The following NFIA variants were observed in gnomAD, a reference collection of about 807,000 sequenced individuals.
NFIA encodes the protein nuclear factor I A, also known as nuclear factor 1 A-type.
Under a neutral mutation model 62.8 loss-of-function variants are expected in NFIA, and 8 were observed. The ratio of observed to expected loss-of-function variants is 0.13; its 90% CI spans 0.07 to 0.23. The LOEUF (loss-of-function observed/expected upper bound fraction) is 0.23, where lower values mean the gene tolerates loss of function less well. Among genes scored for constraint, NFIA ranks in the 10% least tolerant of loss-of-function variants. NFIA has a pLI of 1.00. For missense variants in NFIA, 410 were observed against 642.1 expected (o/e 0.64, Z 3.91); for synonymous variants, 235 against 238.1 (o/e 0.99, Z 0.12).
chr1:61,197,498 A>G (rs565071705), intron 2 of NFIA, among the ~76,000 whole-genome samples: 134 of 151,106 alleles, frequency 8.9e-4, no homozygotes, highest in African/African-American at 3.2e-3. Flanking sequence ...CTGCCTCCCA[A>G]AGTGCTGGGA....
chr1:61,159,763 C>A (rs1488480591), intron 2 of NFIA, among the ~76,000 whole-genome samples: 1 of 148,848 alleles, frequency 6.7e-6, no homozygotes, highest in Non-Finnish European at 1.5e-5. Flanking sequence ...CTCATTGCAA[C>A]CTCTGCCTCC....
chr1:61,372,434 G>C (rs1223514249), intron 6 of NFIA, among the ~76,000 whole-genome samples: 1 of 152,038 alleles, frequency 6.6e-6, no homozygotes, highest in African/African-American at 2.4e-5. Context: ...AAGAATGACA[G>C]TGAGCAGAAA....
intron 2 of NFIA, among the ~76,000 whole-genome samples, chr1:61,129,450 CTTTTTTTT>C (rs58108909): frequency 1.0e-5 from 1 of 99,186 alleles, no homozygotes; most frequent in Non-Finnish European, 2.1e-5. Flanking sequence ...TTTCTTTATT[CTTTTTTTT>C]TTTTTTTTTG....
chr1:61,281,204 A>C (rs1658107853), intron 3 of NFIA, among the ~76,000 whole-genome samples: 1 of 151,676 alleles, frequency 6.6e-6, no homozygotes, highest in South Asian at 2.1e-4. Flanking sequence ...GCACCACTTC[A>C]TCCAGCCTGG....
intron 2 of NFIA, among the ~76,000 whole-genome samples, chr1:61,276,000 G>A (rs1057218408): frequency 2.0e-5 from 3 of 151,714 alleles, no homozygotes; most frequent in Non-Finnish European, 4.4e-5. Context: ...TTTCTTTAAA[G>A]GTTTTTGGCA....
intron 3 of NFIA, among the ~76,000 whole-genome samples, chr1:61,296,411 A>G (rs1659191400): frequency 6.6e-6 from 1 of 152,186 alleles, no homozygotes; most frequent in Admixed American, 6.5e-5. Context: ...TTTGGAGACA[A>G]TCAGCTCAGA....
At chr1:61,286,727 G>A (rs575530137) in intron 3 of NFIA, among the ~76,000 whole-genome samples, 1 of 152,210 alleles carries the variant, frequency 6.6e-6, no homozygotes, top group Admixed American at 6.5e-5. Context: ...CATGCCAAGT[G>A]GCATCAAACA....
intron 6 of NFIA, among the ~76,000 whole-genome samples, chr1:61,362,046 G>A (rs1663326561): frequency 6.6e-6 from 1 of 152,094 alleles, no homozygotes; most frequent in South Asian, 2.1e-4. Context: ...CTCAACTGAA[G>A]GATGTTGCAC....
At position 61,094,021 on chromosome 1, in the gene NFIA, A is replaced by G. The variant is rs114317498; in HGVS notation, c.559+5341A>G. On this transcript the variant is annotated intron_variant, in intron 2 of 10. Coordinates refer to ENST00000403491, the MANE Select transcript of NFIA (RefSeq NM_001134673.4). Reference sequence around the variant, plus strand: ...TTTTAAATCTTGCACAGAAGCAGCAACAATTCTAATTGCTCACAAATGTCA... The same window carrying G: ...TTTTAAATCTTGCACAGAAGCAGCAGCAATTCTAATTGCTCACAAATGTCA... 6.3e-3 allele frequency among the ~76,000 whole-genome samples: 960 copies of G among 152,358 alleles called. 15 individuals carry two copies. Among genetic ancestry groups the G allele is most frequent in the African/African-American group, 0.021 (878 of 41,580 alleles).
intron 10 of NFIA, among the ~76,000 whole-genome samples, chr1:61,432,541 G>A (rs1006504620): frequency 2.6e-5 from 4 of 151,450 alleles, no homozygotes; most frequent in Non-Finnish European, 5.9e-5. Flanking sequence ...CAGCTGGAGA[G>A]TTACAAAGAC....
At chr1:61,087,057 G>T (rs1314238208) in intron 1 of NFIA, among the ~76,000 whole-genome samples, 2 of 152,040 alleles carry the variant, frequency 1.3e-5, no homozygotes, top group Non-Finnish European at 1.5e-5. Flanking sequence ...CTTTGTGGAG[G>T]TTACTGCTTA....
rs557274876 is a variant in NFIA at position 61,418,664 on chromosome 1, T to C, written c.1421-7801T>C. ...AGATATTATTAATGGCTGCAAAATA[T>C]TCCAATGTATGGATGAAGCATTAAC... On this transcript the variant is annotated intron_variant, in intron 9 of 10. Coordinates refer to ENST00000403491, the MANE Select transcript of NFIA (RefSeq NM_001134673.4). 3.3e-5 allele frequency among the ~76,000 whole-genome samples: 5 copies of C among 152,378 alleles called. No homozygotes were observed. In the South Asian group the frequency reaches 1.0e-3, roughly 32 times the overall value.
At chr1:61,361,106 T>G (rs1156231951) in intron 6 of NFIA, among the ~76,000 whole-genome samples, 1 of 152,102 alleles carries the variant, frequency 6.6e-6, no homozygotes, top group Non-Finnish European at 1.5e-5. Context: ...AGCGCAGAGA[T>G]GGTGGTGTTA....
chr1:61,448,112 T>C (rs1219260975), intron 10 of NFIA, among the ~76,000 whole-genome samples: 1 of 152,056 alleles, frequency 6.6e-6, no homozygotes, highest in Non-Finnish European at 1.5e-5. Flanking sequence ...AAAACCAAAA[T>C]AGGATTGTTT....
intron 2 of NFIA, among the ~76,000 whole-genome samples, chr1:61,205,616 T>A (rs909058902): frequency 6.6e-6 from 1 of 152,092 alleles, no homozygotes; most frequent in Non-Finnish European, 1.5e-5. Context: ...AACTTCCACA[T>A]CCTTAGTGTT....
At chr1:61,295,530 G>A (rs1659147108) in intron 3 of NFIA, among the ~76,000 whole-genome samples, 1 of 152,072 alleles carries the variant, frequency 6.6e-6, no homozygotes, top group Admixed American at 6.6e-5. Flanking sequence ...GAGTGTGGTC[G>A]TCTAATTGGA....
intron 2 of NFIA, among the ~76,000 whole-genome samples, chr1:61,235,290 G>A (rs1377760949): frequency 2.0e-5 from 3 of 151,682 alleles, no homozygotes; most frequent in Admixed American, 6.6e-5. Flanking sequence ...GTGAAACCCC[G>A]TCTCTACTAA....
chr1:61,343,421 A>G (rs1244033059), intron 4 of NFIA, among the ~76,000 whole-genome samples: 1 of 152,212 alleles, frequency 6.6e-6, no homozygotes, highest in Non-Finnish European at 1.5e-5. Context: ...CCATGTATAT[A>G]TTCCTTAACA....
intron 9 of NFIA, among the ~76,000 whole-genome samples, chr1:61,407,856 G>A (rs78324943): frequency 0.034 from 5,136 of 152,234 alleles, 125 homozygotes; most frequent in South Asian, 0.082. Flanking sequence ...CATAAGCATC[G>A]GGATTGGACA....
Sources: allele counts gnomAD v4.1 joint callset (sites outside exome capture counted in the v4.1 genomes callset), GRCh38; gene constraint gnomAD v4.1.1; transcripts MANE v1.5; gene names NCBI Gene and HGNC (gene_info 2026-07-23, HGNC 2026-07-21).